PPP1R37: variants seen among roughly 807,000 people sequenced by gnomAD.
The protein encoded by PPP1R37 is protein phosphatase 1 regulatory subunit 37.
A neutral mutation model predicts 61.0 loss-of-function variants in PPP1R37; 21 were observed. The observed-to-expected ratio is 0.34, with a 90% CI of 0.24 to 0.50. The LOEUF (loss-of-function observed/expected upper bound fraction) is 0.50. Among genes scored for constraint, PPP1R37 ranks in the 20% least tolerant of loss-of-function variants. The probability of loss-of-function intolerance (pLI) is 0.98; values close to 1 mark genes in which losing one functional copy is unlikely to be tolerated. For missense variants in PPP1R37, 910 were observed against 952.7 expected, an observed-to-expected ratio of 0.96 and a Z score of 0.59; for synonymous variants, 443 against 433.5, an observed-to-expected ratio of 1.02 and a Z score of -0.27.
intron 1 of PPP1R37, among the ~76,000 whole-genome samples, chr19:45,113,681 A>G (rs1968229306): frequency 6.6e-6 from 1 of 152,246 alleles, no homozygotes; most frequent in South Asian, 2.1e-4. Flanking sequence ...TTGAGGAGGC[A>G]GGGTCAGCCC....
At chr19:45,108,433 C>T (rs1033092620) in intron 1 of PPP1R37, among the ~76,000 whole-genome samples, 1 of 151,408 alleles carries the variant, frequency 6.6e-6, no homozygotes, top group Non-Finnish European at 1.5e-5. Context: ...GTCTCAAACT[C>T]CTGATCTCAG....
intron 11 of PPP1R37, 145 bp from the exon 12 acceptor site, chr19:45,146,245 T>TAA (rs1568453008): frequency 8.1e-6 from 7 of 859,592 alleles, no homozygotes; most frequent in Middle Eastern, 4.6e-4. Flanking sequence ...TGGGGGGGCA[T>TAA]GTAAGGTGTG....
intron 1 of PPP1R37, among the ~76,000 whole-genome samples, chr19:45,128,323 C>T (rs937770341): frequency 6.6e-6 from 1 of 152,168 alleles, no homozygotes; most frequent in Non-Finnish European, 1.5e-5. Context: ...CATGTCCAGG[C>T]TCATTTGTTT....
intron 1 of PPP1R37, among the ~76,000 whole-genome samples, chr19:45,129,709 T>C (rs2122739965): frequency 6.6e-6 from 1 of 152,198 alleles, no homozygotes; most frequent in East Asian, 1.9e-4. Context: ...CATGGTCCTA[T>C]ACCCTAAGCA....
chr19:45,098,918 G>T (rs756395261), intron 1 of PPP1R37, among the ~76,000 whole-genome samples: 1 of 152,116 alleles, frequency 6.6e-6, no homozygotes, highest in Admixed American at 6.5e-5. Flanking sequence ...GCTGGAGTTG[G>T]CAAGTAGACC....
At chr19:45,129,593 G>A (rs1007356828) in intron 1 of PPP1R37, among the ~76,000 whole-genome samples, 4 of 152,112 alleles carry the variant, frequency 2.6e-5, no homozygotes, top group Non-Finnish European at 5.9e-5. Flanking sequence ...CACTGAGCCC[G>A]GCCTTATTTA....
intron 1 of PPP1R37, chr19:45,136,037 C>T (rs370486452): frequency 6.6e-6 from 1 of 152,146 alleles, no homozygotes; most frequent in African/African-American, 2.4e-5. Flanking sequence ...TCCACCTCAG[C>T]CTTCCAAAGT....
intron 3 of PPP1R37, 89 bp from the exon 4 acceptor site, chr19:45,140,417 G>T (rs369173831): frequency 3.0e-5 from 38 of 1,265,564 alleles, no homozygotes; most frequent in Admixed American, 1.6e-4. Context: ...TGGGCCTGGT[G>T]GGGGGTGGGA....
chr19:45,128,548 TGGAATCGAA>T, intron 1 of PPP1R37: 1 of 1,218,600 alleles, frequency 8.2e-7, no homozygotes, highest in Middle Eastern at 2.9e-4. Flanking sequence ...TTGCGAGAGC[TGGAATCGAA>T]GCCTCTTAAA....
At chr19:45,105,306 C>T (rs112939383) in intron 1 of PPP1R37, among the ~76,000 whole-genome samples, 21,697 of 152,128 alleles carry the variant, frequency 0.14, 1,722 homozygotes, top group Non-Finnish European at 0.17. Flanking sequence ...AGAATGGCAG[C>T]GCAGGACTGG....
In PPP1R37 at chr19:45,138,593, G is replaced by C; in HGVS notation, c.282G>C (p.Lys94Asn). Residue 94 changes from lysine to asparagine, a missense_variant, in exon 2 of 13, where the codon AAG (lysine) becomes AAC (asparagine). Lys to Asn is a moderately conservative substitution (Grantham distance 94, BLOSUM62 0). Around this residue, in one of 3 missense-constraint regions of PPP1R37, gnomAD observed 280 missense variants for 382.2 expected, o/e 0.73. Coordinates refer to ENST00000221462, the MANE Select transcript of PPP1R37 (RefSeq NM_019121.2). ...CQKLNCRQIP[K>N]LLRQLQEFTD... ...AGCTGAACTGCAGGCAGATCCCCAA[G>C]CTCCTCAGGCAGCTGCAGGTATGGG... is the stretch of plus-strand genomic sequence containing the variant. 4.7e-6 allele frequency: 7 copies of C among 1,503,156 alleles called. No individual in the cohort carries two copies. The highest frequency in any genetic ancestry group is 1.4e-5 in the African/African-American group (1 of 72,410). 93.1% of individuals were successfully genotyped at this position (1,503,156 alleles called of 1,614,324 possible).
intron 3 of PPP1R37, 25 bp downstream of exon 3, chr19:45,140,306 A>G (rs1245932405): frequency 6.5e-7 from 1 of 1,534,668 alleles, no homozygotes; most frequent in Non-Finnish European, 8.7e-7. Flanking sequence ...AGGGGTTGAG[A>G]GCCCTTGGGT....
rs1203430067 is a variant in PPP1R37, at chr19:45,142,117, G to A, written c.624G>A (p.Ala208=). The A allele has an allele frequency of 7.8e-6, 12 of 1,534,476 alleles. No individual in the cohort carries two copies. The highest frequency in any genetic ancestry group is 7.3e-5 in the East Asian group (3 of 40,890). ...ACACGCCCCTGCTGGACCACTCGGCGCCCTTCGTGGCCCGTGCCCTGCGCA... is the reference window on the plus strand; with the variant it reads ...ACACGCCCCTGCTGGACCACTCGGCACCCTTCGTGGCCCGTGCCCTGCGCA... The part of the protein sequence containing the change: ...ARNTPLLDHS[A]PFVARALRIR... Residue 208 remains alanine, a synonymous_variant, in exon 6 of 13, where the codon GCG becomes GCA. Coordinates refer to ENST00000221462, the MANE Select transcript of PPP1R37 (RefSeq NM_019121.2).
chr19:45,122,671 G>A (rs368636766), intron 1 of PPP1R37, among the ~76,000 whole-genome samples: 9 of 152,166 alleles, frequency 5.9e-5, no homozygotes, highest in East Asian at 3.9e-4. Flanking sequence ...GGAAGGAGCC[G>A]TTGGGGTGTG....
intron 1 of PPP1R37, among the ~76,000 whole-genome samples, chr19:45,133,369 C>T (rs7258183): frequency 0.14 from 21,769 of 152,220 alleles, 1,924 homozygotes; most frequent in African/African-American, 0.25. Flanking sequence ...CAGGCGTGAG[C>T]CACCGCGCCC....
At chr19:45,146,141 C>G in intron 11 of PPP1R37, 92 bp downstream of exon 11, 2 of 1,343,094 alleles carry the variant, frequency 1.5e-6, no homozygotes, top group South Asian at 3.0e-5. Context: ...TCAGTTTCCC[C>G]CTCTTTAAAA....
chr19:45,097,237 G>A (rs1968003799), intron 1 of PPP1R37, among the ~76,000 whole-genome samples: 1 of 151,984 alleles, frequency 6.6e-6, no homozygotes, highest in South Asian at 2.1e-4. Flanking sequence ...GCTGTGGGGA[G>A]GGACAGGGGG....
intron 1 of PPP1R37, among the ~76,000 whole-genome samples, chr19:45,098,325 A>C (rs1968019641): frequency 6.6e-6 from 1 of 152,216 alleles, no homozygotes; most frequent in Non-Finnish European, 1.5e-5. Context: ...GCCAAACTGC[A>C]GGAATGACCT....
At chr19:45,115,696 C>T (rs1303465939) in intron 1 of PPP1R37, among the ~76,000 whole-genome samples, 1 of 152,160 alleles carries the variant, frequency 6.6e-6, no homozygotes, top group Non-Finnish European at 1.5e-5. Flanking sequence ...AAGTTGCGGC[C>T]AGGCGCAGTG....
Sources: allele counts gnomAD v4.1 joint callset (sites outside exome capture counted in the v4.1 genomes callset), GRCh38; gene constraint gnomAD v4.1.1; regional missense constraint gnomAD v4.1.1; transcripts MANE v1.5; gene names NCBI Gene and HGNC (gene_info 2026-07-23, HGNC 2026-07-21).